Variants in PDE10A observed in about 807,000 individuals in gnomAD.
The protein encoded by PDE10A is cAMP and cAMP-inhibited cGMP 3',5'-cyclic phosphodiesterase 10A.
In PDE10A, 39 loss-of-function variants were observed where a neutral mutation model predicts 97.7. The observed-to-expected ratio is 0.40, with a 90% CI of 0.31 to 0.52. The LOEUF (loss-of-function observed/expected upper bound fraction) is 0.52, where lower values mean the gene tolerates loss of function less well. Ranked by LOEUF, PDE10A falls within the 20% of genes least tolerant of loss-of-function variation. The pLI is 0.56. For synonymous variants in PDE10A, 371 were observed against 376.8 expected (o/e 0.98, Z 0.18); for missense variants, 731 against 1,047.8 (o/e 0.70, Z 4.17).
chr6:165,480,979 G>A (rs1404933396), intron 3 of PDE10A, among the ~76,000 whole-genome samples: 5 of 152,164 alleles, frequency 3.3e-5, no homozygotes, highest in African/African-American at 7.2e-5. Context: ...TTGGCATAAT[G>A]TAAGAGAATC....
At chr6:165,964,819 TA>T (rs1465504245) in intron 1 of PDE10A, among the ~76,000 whole-genome samples, 2 of 152,110 alleles carry the variant, frequency 1.3e-5, no homozygotes, top group African/African-American at 4.8e-5. Context: ...GAAAGGTGCA[TA>T]GGGGGCTATA....
intron 1 of PDE10A, among the ~76,000 whole-genome samples, chr6:165,678,636 C>T (rs929097608): frequency 3.3e-5 from 5 of 152,124 alleles, no homozygotes; most frequent in African/African-American, 1.2e-4. Flanking sequence ...GTCCCCAGCC[C>T]GTGTCGCTGG....
intron 1 of PDE10A, among the ~76,000 whole-genome samples, chr6:165,720,550 T>C (rs867297340): frequency 6.6e-6 from 1 of 152,188 alleles, no homozygotes; most frequent in Non-Finnish European, 1.5e-5. Flanking sequence ...TCTCCTAAGA[T>C]CAAGTCTTAT....
At chr6:165,672,613 T>A (rs1009067585) in intron 1 of PDE10A, among the ~76,000 whole-genome samples, 1 of 152,172 alleles carries the variant, frequency 6.6e-6, no homozygotes, top group Non-Finnish European at 1.5e-5. Flanking sequence ...GTTTCCCCCA[T>A]ACTGTTCTCA....
At chr6:165,593,128 G>T (rs575588322) in intron 1 of PDE10A, among the ~76,000 whole-genome samples, 4 of 152,162 alleles carry the variant, frequency 2.6e-5, no homozygotes, top group Non-Finnish European at 5.9e-5. Flanking sequence ...CATAAAAAAG[G>T]GTGAGTTCAT....
At chr6:165,765,916 T>C (rs1777836415) in intron 1 of PDE10A, among the ~76,000 whole-genome samples, 1 of 152,250 alleles carries the variant, frequency 6.6e-6, no homozygotes, top group Non-Finnish European at 1.5e-5. Flanking sequence ...TTTTAAACAG[T>C]GAAGCAACTG....
chr6:165,448,783 G>A, intron 5 of PDE10A, 145 bp downstream of exon 5: 1 of 556,136 alleles, frequency 1.8e-6, no homozygotes. Flanking sequence ...ATTCTTGACT[G>A]GTAATAACCA....
chr6:165,333,195 A>C, intron 21 of PDE10A, 68 bp from the exon 22 acceptor site: 1 of 960,900 alleles, frequency 1.0e-6, no homozygotes, highest in South Asian at 1.3e-5. Context: ...CTTGAAAACT[A>C]ACCAAACAGT....
chr6:165,467,662 G>T (rs1778737018), intron 3 of PDE10A, among the ~76,000 whole-genome samples: 1 of 152,140 alleles, frequency 6.6e-6, no homozygotes, highest in African/African-American at 2.4e-5. Flanking sequence ...TTAATCCTTG[G>T]CCAGGTGTGG....
chr6:165,639,655 C>G (rs979158213), intron 1 of PDE10A, among the ~76,000 whole-genome samples: 1 of 148,520 alleles, frequency 6.7e-6, no homozygotes, highest in African/African-American at 2.5e-5. Context: ...AAGAGAATTC[C>G]TTGAACATGA....
intron 1 of PDE10A, among the ~76,000 whole-genome samples, chr6:165,754,594 GT>G (rs1204916096): frequency 2.6e-5 from 4 of 152,150 alleles, no homozygotes; most frequent in Non-Finnish European, 5.9e-5. Context: ...GTGTGTATGT[GT>G]GTGTGTATAC....
chr6:165,979,493 T>C (rs1327693569), intron 1 of PDE10A, among the ~76,000 whole-genome samples: 1 of 151,974 alleles, frequency 6.6e-6, no homozygotes, highest in Non-Finnish European at 1.5e-5. Context: ...TAAATATTTC[T>C]TCTTGTCTAT....
chr6:165,840,539 G>A (rs1008860469), intron 1 of PDE10A, among the ~76,000 whole-genome samples: 31 of 152,230 alleles, frequency 2.0e-4, no homozygotes, highest in Middle Eastern at 6.8e-3. Flanking sequence ...ACTTGAAGGC[G>A]CTGGCTCACC....
chr6:165,400,441 C>T (rs746753547), intron 13 of PDE10A, among the ~76,000 whole-genome samples: 5 of 152,128 alleles, frequency 3.3e-5, no homozygotes, highest in Non-Finnish European at 7.4e-5. Context: ...AATAATCTAT[C>T]TGATAAATGA....
chr6:165,345,490 C>G (rs530996880), intron 18 of PDE10A, among the ~76,000 whole-genome samples: 2 of 152,276 alleles, frequency 1.3e-5, no homozygotes, highest in East Asian at 1.9e-4. Context: ...TTGGGATCAA[C>G]ATTTTATTTC....
chr6:165,400,031 G>A (rs1003094959), intron 13 of PDE10A, among the ~76,000 whole-genome samples: 14 of 152,244 alleles, frequency 9.2e-5, no homozygotes, highest in Non-Finnish European at 1.5e-4. Flanking sequence ...CCACACAGAC[G>A]GTCAGCTGAT....
intron 1 of PDE10A, among the ~76,000 whole-genome samples, chr6:165,675,746 G>A (rs1441735861): frequency 1.8e-4 from 28 of 152,140 alleles, no homozygotes; most frequent in Admixed American, 1.8e-3. Context: ...TACGCACCAG[G>A]ATTCTGGGTG....
At chr6:165,782,400 C>T (rs116893958) in intron 1 of PDE10A, among the ~76,000 whole-genome samples, 12 of 152,332 alleles carry the variant, frequency 7.9e-5, no homozygotes, top group East Asian at 5.8e-4. Context: ...TCTCAAACCT[C>T]GTCAGAGTCC....
chr6:165,534,225 G>C (rs1306564797), intron 2 of PDE10A, among the ~76,000 whole-genome samples: 2 of 149,728 alleles, frequency 1.3e-5, no homozygotes, highest in Non-Finnish European at 3.0e-5. Context: ...CACATAACCT[G>C]ACACGACTGT....
Sources: allele counts gnomAD v4.1 joint callset (sites outside exome capture counted in the v4.1 genomes callset), GRCh38; gene constraint gnomAD v4.1.1; transcripts MANE v1.5; gene names NCBI Gene and HGNC (gene_info 2026-07-23, HGNC 2026-07-21).